Variants in DCLK1 observed in about 807,000 individuals in gnomAD.
The protein encoded by DCLK1 is serine/threonine-protein kinase DCLK1.
DCLK1 carries 16 observed loss-of-function variants against 86.2 expected under a neutral mutation model. The ratio of observed to expected loss-of-function variants is 0.19; its 90% CI spans 0.13 to 0.28. DCLK1 has a LOEUF of 0.28. Among genes scored for constraint, DCLK1 ranks in the 10% least tolerant of loss-of-function variants. The pLI, the probability that DCLK1 is intolerant of heterozygous loss-of-function variation, is 1.00. For synonymous variants in DCLK1, 369 were observed against 370.5 expected, an observed-to-expected ratio of 1.00 and a Z score of 0.05; for missense variants, 590 against 940.2, an observed-to-expected ratio of 0.63 and a Z score of 4.87.
At chr13:35,972,737 C>T (rs1393955734) in intron 3 of DCLK1, among the ~76,000 whole-genome samples, 1 of 152,022 alleles carries the variant, frequency 6.6e-6, no homozygotes, top group African/African-American at 2.4e-5. Flanking sequence ...AAACAAAGGA[C>T]CTTTGAACCT....
chr13:35,889,712 G>A (rs780686906), intron 4 of DCLK1, among the ~76,000 whole-genome samples: 1 of 151,912 alleles, frequency 6.6e-6, no homozygotes, highest in Non-Finnish European at 1.5e-5. Context: ...CTGAGTCACC[G>A]CCCAATCCTC....
intron 3 of DCLK1, among the ~76,000 whole-genome samples, chr13:35,976,050 A>G (rs1879312545): frequency 6.6e-6 from 1 of 152,116 alleles, no homozygotes; most frequent in African/African-American, 2.4e-5. Flanking sequence ...TCCTCTAGGG[A>G]ACTCCTCTAG....
intron 4 of DCLK1, among the ~76,000 whole-genome samples, chr13:35,935,920 T>G (rs1273647377): frequency 6.6e-6 from 1 of 152,140 alleles, no homozygotes; most frequent in Non-Finnish European, 1.5e-5. Flanking sequence ...GGTTGCCATT[T>G]GTCACCATCA....
chr13:35,896,734 G>A (rs56135847), intron 4 of DCLK1, among the ~76,000 whole-genome samples: 49,562 of 151,800 alleles, frequency 0.33, 8,854 homozygotes, highest in Middle Eastern at 0.4. Context: ...TGAAGAGGAC[G>A]CAGTCCCTAC....
Position 35,921,050 on chromosome 13 carries a change from G to A in DCLK1, c.823+26308C>T, listed in dbSNP as rs73178250. ...CTATTTTGAAGCGACCTAACTGGTT[G>A]CCCTGCATTTACCCCTGGGTCCCTC... On this transcript the variant is annotated intron_variant, in intron 4 of 16. Transcript: ENST00000360631. Among the ~76,000 whole-genome samples the A allele has an allele frequency of 4.8e-3, 737 of 152,208 alleles. 4 individuals carry two copies. Among genetic ancestry groups the A allele is most frequent in the Non-Finnish European group, 7.9e-3 (540 of 68,008 alleles).
rs984318385 is a variant in DCLK1 at position 35,772,698 on chromosome 13, T to C, written c.*1837A>G. On this transcript the variant is annotated 3_prime_UTR_variant, in exon 17 of 17. Transcript: ENST00000360631. ...GGGAAAAAAACCTCAATAAACGATA[T>C]GCTTTTTACATGTCAGGACAACACA... The C allele has an allele frequency of 3.3e-5, 5 of 151,954 alleles. No individual in the cohort carries two copies. Among genetic ancestry groups the C allele is most frequent in the East Asian group, 3.9e-4 (2 of 5,166 alleles). The allele number at this position is 151,954 out of a possible 1,614,324, so 9.4% of individuals were successfully genotyped here.
At chr13:35,890,600 T>C (rs1873584116) in intron 4 of DCLK1, among the ~76,000 whole-genome samples, 2 of 152,016 alleles carry the variant, frequency 1.3e-5, no homozygotes, top group Admixed American at 1.3e-4. Context: ...AGAGACAGAG[T>C]TGCTGGATCA....
At chr13:36,056,893 C>CAA (rs766434117) in intron 3 of DCLK1, among the ~76,000 whole-genome samples, 6,791 of 101,014 alleles carry the variant, frequency 0.067, 220 homozygotes, top group South Asian at 0.12. Context: ...AAGACTGTGA[C>CAA]AAAAAAAAAA....
intron 3 of DCLK1, among the ~76,000 whole-genome samples, chr13:35,958,213 TCAC>T (rs1414224953): frequency 6.1e-3 from 119 of 19,470 alleles, no homozygotes; most frequent in Middle Eastern, 0.042. Context: ...ATTATAACCA[TCAC>T]CACCACCACT....
chr13:35,978,188 T>TTTTTC (rs1879446386), intron 3 of DCLK1, among the ~76,000 whole-genome samples: 8 of 149,112 alleles, frequency 5.4e-5, no homozygotes, highest in Admixed American at 1.3e-4. Flanking sequence ...TCCAGTTTTT[T>TTTTTC]TTTTCTTTTC....
intron 4 of DCLK1, among the ~76,000 whole-genome samples, chr13:35,890,065 C>T (rs1297937118): frequency 6.6e-6 from 1 of 152,004 alleles, no homozygotes; most frequent in Non-Finnish European, 1.5e-5. Context: ...TTCCAATTTT[C>T]TATAATATAT....
intron 3 of DCLK1, among the ~76,000 whole-genome samples, chr13:36,092,960 C>G (rs1247010004): frequency 7.6e-6 from 1 of 132,048 alleles, no homozygotes; most frequent in African/African-American, 2.7e-5. Flanking sequence ...GAAAATAAGA[C>G]AAGTCAAAAA....
chr13:35,964,073 C>CT (rs1451581216), intron 3 of DCLK1, among the ~76,000 whole-genome samples: 4 of 152,158 alleles, frequency 2.6e-5, no homozygotes, highest in Non-Finnish European at 5.9e-5. Context: ...TTGGAGAGGA[C>CT]TATCTTTTTC....
intron 5 of DCLK1, chr13:35,855,802 C>T (rs958153492): frequency 7.9e-7 from 1 of 1,258,396 alleles, no homozygotes; most frequent in Non-Finnish European, 1.0e-6. Context: ...CCCATCCCGA[C>T]ACCACTCCCT....
intron 3 of DCLK1, among the ~76,000 whole-genome samples, chr13:36,007,548 G>C (rs751024147): frequency 2.0e-5 from 3 of 152,144 alleles, no homozygotes; most frequent in Admixed American, 6.5e-5. Context: ...GCTCTAAATA[G>C]TCTTAAAGAA....
chr13:35,993,065 T>C (rs991706780), intron 3 of DCLK1, among the ~76,000 whole-genome samples: 19 of 152,214 alleles, frequency 1.2e-4, no homozygotes, highest in African/African-American at 4.6e-4. Flanking sequence ...GCCTGCAATG[T>C]CTCCCTGATG....
intron 3 of DCLK1, among the ~76,000 whole-genome samples, chr13:36,101,469 C>T (rs1256727868): frequency 6.6e-6 from 1 of 152,220 alleles, no homozygotes; most frequent in Admixed American, 6.5e-5. Flanking sequence ...TCAGCTAAAA[C>T]TAATGTTTAA....
intron 15 of DCLK1, among the ~76,000 whole-genome samples, chr13:35,801,715 G>A (rs2086923926): frequency 6.6e-6 from 1 of 152,138 alleles, no homozygotes; most frequent in Non-Finnish European, 1.5e-5. Flanking sequence ...AGTTACTGCT[G>A]AGACACGTAT....
intron 3 of DCLK1, among the ~76,000 whole-genome samples, chr13:36,052,206 T>C (rs1038686478): frequency 3.9e-5 from 6 of 152,184 alleles, no homozygotes; most frequent in African/African-American, 1.4e-4. Context: ...AATTAGTAAT[T>C]GCCTTTTGAG....
Sources: gnomAD v4.1 joint callset for allele counts (sites outside exome capture counted in the v4.1 genomes callset) on GRCh38, gnomAD v4.1.1 for gene constraint, MANE v1.5 for transcripts, NCBI Gene and HGNC (gene_info 2026-07-23, HGNC 2026-07-21) for gene names.